LRRC1: variants seen among roughly 807,000 people sequenced by gnomAD.
LRRC1 encodes leucine rich repeat containing 1.
LRRC1 carries 28 observed loss-of-function variants against 69.9 expected under a neutral mutation model. The ratio of observed to expected loss-of-function variants is 0.40; its 90% CI spans 0.30 to 0.55. LRRC1 has a LOEUF of 0.55. Among genes scored for constraint, LRRC1 ranks in the 20% least tolerant of loss-of-function variants. The probability of loss-of-function intolerance (pLI) is 0.47; values close to 1 mark genes in which losing one functional copy is unlikely to be tolerated. For missense variants in LRRC1, 498 were observed against 609.0 expected (o/e 0.82, Z 1.92); for synonymous variants, 236 against 240.2 (o/e 0.98, Z 0.16).
chr6:53,827,436 A>G (rs979162510), intron 1 of LRRC1, among the ~76,000 whole-genome samples: 10 of 151,778 alleles, frequency 6.6e-5, no homozygotes, highest in African/African-American at 2.2e-4. Flanking sequence ...AATATGGTTT[A>G]TTACTACAGG....
At chr6:53,911,603 CG>C (rs1234623794) in intron 10 of LRRC1, among the ~76,000 whole-genome samples, 2 of 152,200 alleles carry the variant, frequency 1.3e-5, no homozygotes, top group Non-Finnish European at 2.9e-5. Flanking sequence ...AGGACGCTAG[CG>C]GGGGTCTTCA....
chr6:53,820,578 C>A (rs886745321), intron 1 of LRRC1, among the ~76,000 whole-genome samples: 1 of 151,564 alleles, frequency 6.6e-6, no homozygotes, highest in Non-Finnish European at 1.5e-5. Context: ...TTGTTCAACA[C>A]GTTTTAACCT....
At chr6:53,809,151 A>G (rs943144654) in intron 1 of LRRC1, among the ~76,000 whole-genome samples, 3 of 152,198 alleles carry the variant, frequency 2.0e-5, no homozygotes, top group African/African-American at 7.2e-5. Flanking sequence ...TTCAGCTATT[A>G]TATACTATTT....
intron 1 of LRRC1, among the ~76,000 whole-genome samples, chr6:53,835,713 C>T (rs1765594906): frequency 1.3e-5 from 2 of 152,206 alleles, no homozygotes; most frequent in Admixed American, 6.5e-5. Context: ...AAAGTTTATT[C>T]AGTGTATTAT....
At chr6:53,892,044 A>G (rs1767722428) in intron 4 of LRRC1, among the ~76,000 whole-genome samples, 1 of 151,330 alleles carries the variant, frequency 6.6e-6, no homozygotes. Flanking sequence ...ACACACACAC[A>G]CACATACACA....
intron 1 of LRRC1, among the ~76,000 whole-genome samples, chr6:53,824,920 A>G (rs1765215169): frequency 6.6e-6 from 1 of 152,328 alleles, no homozygotes; most frequent in East Asian, 1.9e-4. Context: ...GAGGACCCTG[A>G]CACATTTTAG....
chr6:53,899,922 A>G (rs1426843009), intron 8 of LRRC1, 31 bp downstream of exon 8: 4 of 1,598,008 alleles, frequency 2.5e-6, no homozygotes, highest in East Asian at 4.5e-5. Context: ...ACTGCTAAAC[A>G]TACTGCCTGC....
At chr6:53,808,652 T>G (rs940688163) in intron 1 of LRRC1, among the ~76,000 whole-genome samples, 1 of 151,072 alleles carries the variant, frequency 6.6e-6, no homozygotes, top group Non-Finnish European at 1.5e-5. Flanking sequence ...AGCTGTGATT[T>G]GAAGTGATGC....
At chr6:53,902,786 G>T (rs753131420) in intron 9 of LRRC1, 39 bp downstream of exon 9, 2 of 1,247,346 alleles carry the variant, frequency 1.6e-6, no homozygotes, top group African/African-American at 3.0e-5. Flanking sequence ...AGACTTACTA[G>T]GGTAGATTCT....
intron 2 of LRRC1, among the ~76,000 whole-genome samples, chr6:53,869,936 C>G (rs1406565799): frequency 6.6e-6 from 1 of 152,158 alleles, no homozygotes; most frequent in Non-Finnish European, 1.5e-5. Context: ...CACACTATTG[C>G]CTTTCTTGTC....
At position 53,857,940 on chromosome 6, in the gene LRRC1, TAATTAATGG is replaced by T. The variant is rs1299541231; in HGVS notation, c.277+15715_277+15723del. Among the ~76,000 whole-genome samples the T allele has an allele frequency of 2.0e-5, 3 of 152,220 alleles. No individual in the cohort carries two copies. The East Asian group carries it at 5.8e-4, about 29-fold the overall frequency. On this transcript the variant is annotated intron_variant, in intron 2 of 13. Coordinates refer to ENST00000370888, the MANE Select transcript of LRRC1 (RefSeq NM_018214.5). ...GTGTCTTGGACAGCTAACAATGATA[TAATTAATGG>T]AGGAATTTCATAACACTCTGCTCAT... is the stretch of plus-strand genomic sequence containing the variant.
chr6:53,851,290 A>G (rs749497715), intron 2 of LRRC1, among the ~76,000 whole-genome samples: 1 of 152,052 alleles, frequency 6.6e-6, no homozygotes, highest in African/African-American at 2.4e-5. Context: ...GAATTAATTC[A>G]TATATTTCTG....
intron 11 of LRRC1, 22 bp from the exon 12 acceptor site, chr6:53,919,476 T>TAA: frequency 1.6e-6 from 2 of 1,226,228 alleles, no homozygotes; most frequent in Non-Finnish European, 2.2e-6. Context: ...GTCTCTTTTT[T>TAA]TAAAAAAAAA....
At chr6:53,868,520 C>T (rs1766781344) in intron 2 of LRRC1, among the ~76,000 whole-genome samples, 1 of 152,134 alleles carries the variant, frequency 6.6e-6, no homozygotes, top group South Asian at 2.1e-4. Flanking sequence ...GCCACTGTGC[C>T]CAGCCAATAT....
Position 53,904,460 on chromosome 6 carries a change from G to C in LRRC1, c.988G>C (p.Glu330Gln), listed in dbSNP as rs1369206506. The C allele has an allele frequency of 1.0e-5, 16 of 1,594,360 alleles. No individual in the cohort carries two copies. The highest frequency in any genetic ancestry group is 2.7e-5 in the African/African-American group (2 of 74,342). Reference protein sequence around the residue: ...DRNKLVSLPKEIGGCCSLTVF... With the variant: ...DRNKLVSLPKQIGGCCSLTVF... The stretch of plus-strand genomic sequence containing the variant: ...AAATAAATTAGTGTCCTTACCAAAA[G>C]AGGTATGTGCTTTTAGAGAAATCAC... Residue 330 changes from glutamate to glutamine, a missense_variant and splice_region_variant, in exon 10 of 14, where the codon GAG becomes CAG. Glu to Gln is a conservative substitution (Grantham distance 29). Coordinates refer to ENST00000370888, the MANE Select transcript of LRRC1 (RefSeq NM_018214.5).
At chr6:53,806,939 T>C (rs1764650617) in intron 1 of LRRC1, among the ~76,000 whole-genome samples, 1 of 152,204 alleles carries the variant, frequency 6.6e-6, no homozygotes, top group Admixed American at 6.5e-5. Context: ...TGAGGCAAAA[T>C]GGTTGAATTT....
At chr6:53,915,834 A>G (rs1403461269) in intron 11 of LRRC1, among the ~76,000 whole-genome samples, 8 of 152,202 alleles carry the variant, frequency 5.3e-5, no homozygotes, top group South Asian at 2.1e-4. Context: ...TTTAATCACT[A>G]CTTATTAAAA....
At chr6:53,893,455 T>G (rs1013041816) in intron 4 of LRRC1, among the ~76,000 whole-genome samples, 3 of 152,130 alleles carry the variant, frequency 2.0e-5, no homozygotes, top group African/African-American at 7.2e-5. Context: ...TTAAAATAAT[T>G]GGGGAAGTAT....
intron 2 of LRRC1, among the ~76,000 whole-genome samples, chr6:53,846,093 G>T (rs1310633433): frequency 1.3e-5 from 2 of 152,140 alleles, no homozygotes; most frequent in African/African-American, 4.8e-5. Flanking sequence ...GAAAACCCAG[G>T]TTTTGCGTTT....
Sources: allele counts gnomAD v4.1 joint callset (sites outside exome capture counted in the v4.1 genomes callset), GRCh38; gene constraint gnomAD v4.1.1; transcripts MANE v1.5; gene names NCBI Gene and HGNC (gene_info 2026-07-23, HGNC 2026-07-21).